Variants in SNAP29 observed in about 807,000 individuals in gnomAD.
SNAP29 encodes synaptosome associated protein 29, also known as synaptosomal-associated protein 29.
In SNAP29, 13 loss-of-function variants were observed where a neutral mutation model predicts 27.9. The observed-to-expected ratio is 0.47, with a 90% CI of 0.30 to 0.74. SNAP29 has a LOEUF of 0.74. Among genes scored for constraint, SNAP29 ranks in the 30% least tolerant of loss-of-function variants. The pLI is 0.06. For missense variants in SNAP29, 368 were observed against 336.5 expected, an observed-to-expected ratio of 1.09 and a Z score of -0.73; for synonymous variants, 119 against 127.1, an observed-to-expected ratio of 0.94 and a Z score of 0.43.
Position 20,870,442 on chromosome 22 carries a change from G to A in SNAP29, c.343G>A (p.Val115Met), listed in dbSNP as rs751485587. 49 of 1,614,080 alleles carry A rather than the reference G, an allele frequency of 3.0e-5. No individual in the cohort carries two copies. Among genetic ancestry groups the A allele is most frequent in the South Asian group, 1.3e-4 (12 of 91,090 alleles). ...SQKHINSIKSVFGGLVNYFKS... is the reference protein window; with the variant it reads ...SQKHINSIKSMFGGLVNYFKS... ...GAAACACATCAATAGCATTAAGAGC[G>A]TGTTTGGGGGGCTGGTCAATTACTT... is the stretch of plus-strand genomic sequence containing the variant. Residue 115 changes from valine (V) to methionine (M), a missense_variant, in exon 2 of 5, where the codon GTG (valine) becomes ATG (methionine). Val to Met is a conservative substitution (Grantham distance 21). Transcript: ENST00000215730.
At chr22:20,876,438 TG>T (rs1267364632) in intron 2 of SNAP29, among the ~76,000 whole-genome samples, 6 of 151,646 alleles carry the variant, frequency 4.0e-5, no homozygotes, top group Non-Finnish European at 8.8e-5. Context: ...TCGTATTTTT[TG>T]TAGAAACAAG....
At position 20,870,323 on chromosome 22, in the gene SNAP29, C is replaced by G. The variant is rs755830647; in HGVS notation, c.238-14C>G. 36 of 1,613,886 alleles carry G rather than the reference C, an allele frequency of 2.2e-5. No homozygotes were observed. The Middle Eastern group carries it at 6.6e-4, about 30-fold the overall frequency. On this transcript the variant is annotated splice_polypyrimidine_tract_variant and intron_variant, in intron 1 of 4. Transcript: ENST00000215730. ...ACAGAAAGCTATAATGCCACTGCCT[C>G]TCGGTTTCCCCAGGAGCTCGCCCGT...
Position 20,873,357 on chromosome 22 carries a change from T to C in SNAP29, c.434+2824T>C, listed in dbSNP as rs1928643098. Among the ~76,000 whole-genome samples, 5 of 152,024 alleles carry C rather than the reference T, an allele frequency of 3.3e-5. No homozygotes were observed. In the South Asian group the frequency reaches 1.0e-3, roughly 32 times the overall value. ...CATCACTAAGGTACAGTAAAATATG[T>C]GCATCTTAAGTGGAGAGCCAGTGAC... On this transcript the variant is annotated intron_variant, in intron 2 of 4. Coordinates refer to ENST00000215730, the MANE Select transcript of SNAP29 (RefSeq NM_004782.4).
At chr22:20,861,568 G>C (rs1928320862) in intron 1 of SNAP29, among the ~76,000 whole-genome samples, 1 of 152,136 alleles carries the variant, frequency 6.6e-6, no homozygotes, top group South Asian at 2.1e-4. Flanking sequence ...CTCCCAAGTA[G>C]CTGGGATTAG....
chr22:20,886,196 C>T (rs1007057664), intron 4 of SNAP29, among the ~76,000 whole-genome samples: 2 of 151,756 alleles, frequency 1.3e-5, no homozygotes, highest in African/African-American at 4.8e-5. Flanking sequence ...CTTTGTTGCC[C>T]AGGCTAGTCT....
chr22:20,860,528 C>T (rs1260038416), intron 1 of SNAP29, among the ~76,000 whole-genome samples: 2 of 151,738 alleles, frequency 1.3e-5, no homozygotes, highest in South Asian at 2.1e-4. Flanking sequence ...CCGCCACACC[C>T]GGCTAATTTT....
chr22:20,873,621 G>A (rs12159380), intron 2 of SNAP29, among the ~76,000 whole-genome samples: 9 of 151,810 alleles, frequency 5.9e-5, no homozygotes, highest in Non-Finnish European at 1.2e-4. Context: ...GAGGCAGGAG[G>A]ATCACTTGAT....
chr22:20,886,589 A>G lies in SNAP29; in HGVS notation c.620-1090A>G, dbSNP rs555265148. 4.6e-5 allele frequency among the ~76,000 whole-genome samples: 7 copies of G among 151,726 alleles called. No individual in the cohort carries two copies. The East Asian group carries it at 1.4e-3, about 30-fold the overall frequency. ...CTCCCAAAGTGCTGGGATTACAGGC[A>G]TGAGCCACCACACTCAGCCTATCTT... On this transcript the variant is annotated intron_variant, in intron 4 of 4. Transcript: ENST00000215730.
At chr22:20,860,534 A>T (rs1177197712) in intron 1 of SNAP29, among the ~76,000 whole-genome samples, 10 of 150,910 alleles carry the variant, frequency 6.6e-5, no homozygotes. Context: ...CACCCGGCTA[A>T]TTTTTTTTGT....
chr22:20,859,158 G>C lies in SNAP29; in HGVS notation c.48G>C (p.Glu16Asp), dbSNP rs761925474. 1 of 1,607,160 alleles carries C rather than the reference G, an allele frequency of 6.2e-7. No homozygotes were observed. Among genetic ancestry groups the C allele is most frequent in the Admixed American group, 1.7e-5 (1 of 59,028 alleles). ...KSYNPFDDDGEDEGARPAPWR... is the reference protein window; with the variant it reads ...KSYNPFDDDGDDEGARPAPWR... Reference sequence around the variant, plus strand: ...ACAATCCGTTCGACGACGACGGGGAGGACGAAGGCGCCCGGCCGGCCCCTT... The same window carrying C: ...ACAATCCGTTCGACGACGACGGGGACGACGAAGGCGCCCGGCCGGCCCCTT... The change falls in exon 1 of 5, where the codon GAG becomes GAC. Residue 16 changes from glutamate (E) to aspartate (D), a missense_variant. By Grantham distance (45) the Glu-to-Asp change is conservative. Coordinates refer to ENST00000215730, the MANE Select transcript of SNAP29 (RefSeq NM_004782.4).
Position 20,870,325 on chromosome 22 carries a change from C to CG in SNAP29, c.238-10dup, listed in dbSNP as rs1215377270. On this transcript the variant is annotated splice_polypyrimidine_tract_variant and intron_variant, in intron 1 of 4. Transcript: ENST00000215730. The stretch of plus-strand genomic sequence containing the variant: ...AGAAAGCTATAATGCCACTGCCTCT[C>CG]GGTTTCCCCAGGAGCTCGCCCGTCA... The CG allele has an allele frequency of 1.9e-6, 3 of 1,613,938 alleles. No individual in the cohort carries two copies. In the African/African-American group the frequency reaches 4.0e-5, roughly 22 times the overall value.
At chr22:20,874,762 C>T (rs1226563826) in intron 2 of SNAP29, among the ~76,000 whole-genome samples, 1 of 151,918 alleles carries the variant, frequency 6.6e-6, no homozygotes, top group Non-Finnish European at 1.5e-5. Flanking sequence ...TCCGCCATTT[C>T]CCTCCAGTTC....
In SNAP29 at chr22:20,872,820, C is replaced by CTTTTTTT. The variant is rs361677; in HGVS notation, c.434+2308_434+2314dup. Among the ~76,000 whole-genome samples the CTTTTTTT allele has an allele frequency of 5.3e-4, 21 of 39,878 alleles. 3 individuals carry two copies. Among genetic ancestry groups the CTTTTTTT allele is most frequent in the East Asian group, 8.1e-4 (1 of 1,242 alleles). 26.2% of individuals were successfully genotyped at this position (39,878 alleles called of 152,430 possible). ...TAGAGTGCCGAGCCACCACGCCAGG[C>CTTTTTTT]TTTTTTTTTTTTTTTTTTTTTTTTT... On this transcript the variant is annotated intron_variant, in intron 2 of 4. Transcript: ENST00000215730.
chr22:20,859,700 G>C (rs953846977), intron 1 of SNAP29: 5 of 331,172 alleles, frequency 1.5e-5, no homozygotes, highest in Non-Finnish European at 2.8e-5. Context: ...CCGTTTCTTC[G>C]ACATTATTTC....
chr22:20,865,371 T>C (rs1928433500), intron 1 of SNAP29, among the ~76,000 whole-genome samples: 1 of 151,964 alleles, frequency 6.6e-6, no homozygotes, highest in African/African-American at 2.4e-5. Context: ...AAAAAAGAAT[T>C]AGACCATTGA....
At chr22:20,870,621 A>C (rs772009660) in intron 2 of SNAP29, 88 bp downstream of exon 2, 19 of 1,232,566 alleles carry the variant, frequency 1.5e-5, no homozygotes, top group Non-Finnish European at 2.2e-5. Context: ...CGTCAGTGCC[A>C]TGAAGGGATC....
At chr22:20,873,700 G>T (rs1235122425) in intron 2 of SNAP29, among the ~76,000 whole-genome samples, 1 of 151,762 alleles carries the variant, frequency 6.6e-6, no homozygotes, top group Non-Finnish European at 1.5e-5. Context: ...GGGCATGGTG[G>T]TTCAGGCCTG....
At chr22:20,880,667 G>C (rs1928869176) in intron 2 of SNAP29, among the ~76,000 whole-genome samples, 2 of 152,010 alleles carry the variant, frequency 1.3e-5, no homozygotes. Flanking sequence ...CCTGAGAGAG[G>C]GCCACCTAAC....
chr22:20,869,913 G>C (rs1601647388), intron 1 of SNAP29, among the ~76,000 whole-genome samples: 1 of 152,068 alleles, frequency 6.6e-6, no homozygotes, highest in South Asian at 2.1e-4. Flanking sequence ...TGGGATTACA[G>C]GTGCCCGCCA....
Sources: allele counts gnomAD v4.1 joint callset (sites outside exome capture counted in the v4.1 genomes callset), GRCh38; gene constraint gnomAD v4.1.1; transcripts MANE v1.5; gene names NCBI Gene and HGNC (gene_info 2026-07-23, HGNC 2026-07-21).